APTX: variants seen among roughly 807,000 people sequenced by gnomAD.
The protein encoded by APTX is aprataxin.
A neutral mutation model predicts 42.3 loss-of-function variants in APTX; 33 were observed. The observed-to-expected ratio is 0.78, with a 90% CI of 0.59 to 1.04. The LOEUF is 1.04. APTX is among the 50% of genes least tolerant of loss of function. The pLI, the probability that APTX is intolerant of heterozygous loss-of-function variation, is 0.00. For missense variants in APTX, 421 were observed against 415.1 expected, an observed-to-expected ratio of 1.01 and a Z score of -0.12; for synonymous variants, 130 against 146.7, an observed-to-expected ratio of 0.89 and a Z score of 0.82.
rs79013761 is a variant in APTX, at chr9:33,022,207, G to A, written c.-5+2816C>T. The stretch of plus-strand genomic sequence containing the variant: ...AAGAAAACAATTGTAACACATGACA[G>A]ACTAATATCTACCCCTAAAAGGGCT... On this transcript the variant is annotated intron_variant, in intron 1 of 6. Coordinates refer to the APTX transcript ENST00000436040. Among the ~76,000 whole-genome samples the A allele has an allele frequency of 7.7e-3, 1,171 of 152,148 alleles. 12 individuals carry two copies. The highest frequency in any genetic ancestry group is 0.027 in the African/African-American group (1,120 of 41,496).
At chr9:33,001,763 T>C, upstream of APTX, 2 of 905,178 alleles carry the variant, frequency 2.2e-6, no homozygotes, top group Non-Finnish European at 1.7e-6. Flanking sequence ...CTCTGGGCCG[T>C]GGTCCAACTG....
intron 6 of APTX, among the ~76,000 whole-genome samples, chr9:32,977,544 A>C (rs189855998): frequency 1.5e-5 from 2 of 131,162 alleles, no homozygotes; most frequent in African/African-American, 2.5e-5. Flanking sequence ...AATGGGGGGG[A>C]AAAAACCTGG....
chr9:33,005,416 TTTTA>T (rs987593822), upstream of APTX, among the ~76,000 whole-genome samples: 9 of 152,090 alleles, frequency 5.9e-5, no homozygotes, highest in East Asian at 1.9e-4. Flanking sequence ...TGAGGTGTGG[TTTTA>T]TTTTTTTGTT....
At chr9:32,985,326 GTTTTTTTTTT>G (rs5897530) in intron 5 of APTX, among the ~76,000 whole-genome samples, 1 of 103,078 alleles carries the variant, frequency 9.7e-6, no homozygotes, top group African/African-American at 4.4e-5. Context: ...GATGATGCCT[GTTTTTTTTTT>G]TTTTTTTTTT....
intron 1 of APTX, among the ~76,000 whole-genome samples, chr9:33,009,223 A>C (rs1476714720): frequency 6.6e-6 from 1 of 152,200 alleles, no homozygotes; most frequent in Non-Finnish European, 1.5e-5. Context: ...TGATCTGTGT[A>C]AATCACAGAT....
At chr9:33,002,086 G>T (rs1257591955), upstream of APTX, among the ~76,000 whole-genome samples, 1 of 152,156 alleles carries the variant, frequency 6.6e-6, no homozygotes, top group African/African-American at 2.4e-5. Context: ...CCTGTTTTTT[G>T]TAGTGCTGTG....
chr9:32,985,829 C>T (rs1399297788), intron 5 of APTX, 142 bp downstream of exon 5: 9 of 816,776 alleles, frequency 1.1e-5, no homozygotes, highest in East Asian at 2.4e-5. Flanking sequence ...TGTGAAAAGC[C>T]TCTTGTTCTC....
At chr9:32,991,197 A>T (rs1035018423) in intron 1 of APTX, among the ~76,000 whole-genome samples, 2 of 151,972 alleles carry the variant, frequency 1.3e-5, no homozygotes, top group Non-Finnish European at 2.9e-5. Flanking sequence ...AAGTGCTGGG[A>T]TTACAGGCAT....
At position 32,973,283 on chromosome 9, in the gene APTX, C is replaced by G. The variant is rs568783017; in HGVS notation, c.*215G>C. The G allele has an allele frequency of 1.8e-4, 118 of 660,948 alleles. No individual in the cohort carries two copies. The highest frequency in any genetic ancestry group is 1.7e-3 in the South Asian group (116 of 66,494). The allele number at this position is 660,948 out of a possible 1,614,324, so 40.9% of individuals were successfully genotyped here. A position where few individuals can be genotyped will look rare whatever the true frequency, so the allele number is the denominator to read the frequency against. ...GTGGGTCAGGTATATCCCAGCCACC[C>G]TCACCAGAGAATACATCTATGACAA... On this transcript the variant is annotated 3_prime_UTR_variant, in exon 8 of 8. Transcript: ENST00000379817.
At chr9:33,024,528 G>A (rs1363251035) in intron 1 of APTX, among the ~76,000 whole-genome samples, 2 of 152,146 alleles carry the variant, frequency 1.3e-5, no homozygotes, top group African/African-American at 2.4e-5. Context: ...CGGCTACTCT[G>A]TAGCCAAACT....
upstream of APTX, among the ~76,000 whole-genome samples, chr9:33,005,967 G>A (rs1837104644): frequency 6.6e-6 from 1 of 151,756 alleles, no homozygotes; most frequent in African/African-American, 2.4e-5. Context: ...GCACTGTTTT[G>A]ATTACTATAG....
intron 1 of APTX, among the ~76,000 whole-genome samples, chr9:33,014,952 G>A (rs1392837995): frequency 1.3e-5 from 2 of 152,200 alleles, no homozygotes; most frequent in African/African-American, 4.8e-5. Context: ...CTGGATTGAT[G>A]TTTTATCTTC....
chr9:32,975,249 A>G (rs1242928644), intron 6 of APTX, among the ~76,000 whole-genome samples: 4 of 152,226 alleles, frequency 2.6e-5, no homozygotes, highest in African/African-American at 9.6e-5. Flanking sequence ...TTTGCATTCT[A>G]TTCTGAATCT....
At chr9:33,003,409 G>A (rs1390879291), upstream of APTX, among the ~76,000 whole-genome samples, 4 of 152,080 alleles carry the variant, frequency 2.6e-5, no homozygotes, top group Non-Finnish European at 5.9e-5. Context: ...GGCCAGGCAC[G>A]GTGGCTCACA....
chr9:33,010,908 A>G (rs994978520), intron 1 of APTX, among the ~76,000 whole-genome samples: 1 of 151,710 alleles, frequency 6.6e-6, no homozygotes, highest in African/African-American at 2.4e-5. Context: ...TTGGGAGGCC[A>G]AGGCAGGTGG....
chr9:33,017,505 AC>A (rs1255694965), intron 1 of APTX, among the ~76,000 whole-genome samples: 3 of 132,334 alleles, frequency 2.3e-5, no homozygotes, highest in Non-Finnish European at 5.5e-5. Context: ...TAATCCCATG[AC>A]GTAGTCACTT....
rs560158764 is a variant in APTX at position 32,990,534 on chromosome 9, T to C, written c.-4-639A>G. 1.6e-4 allele frequency among the ~76,000 whole-genome samples: 25 copies of C among 152,290 alleles called. No homozygotes were observed. In the Middle Eastern group the frequency reaches 0.017, roughly 104 times the overall value. On this transcript the variant is annotated intron_variant, in intron 1 of 7. Coordinates refer to ENST00000379817, the MANE Select transcript of APTX (RefSeq NM_001195248.2). ...TACATATTGAAAGTCAAAGGATGAATAAAACAGGGACATTGTCCCTGTCCT... is the reference window on the plus strand; with the variant it reads ...TACATATTGAAAGTCAAAGGATGAACAAAACAGGGACATTGTCCCTGTCCT...
At position 33,018,334 on chromosome 9, in the gene APTX, G is replaced by A. The variant is rs560510347; in HGVS notation, c.-5+6689C>T. ...ACCATCTCTACTACGATGGAAGGCC[G>A]AGGTGGGCGGATCACCTGAGGTCAG... is the stretch of plus-strand genomic sequence containing the variant. On this transcript the variant is annotated intron_variant, in intron 1 of 6. Transcript: ENST00000436040. Among the ~76,000 whole-genome samples the A allele has an allele frequency of 2.6e-4, 39 of 151,936 alleles. No individual in the cohort carries two copies. The South Asian group carries it at 7.9e-3, about 31-fold the overall frequency.
chr9:32,979,325 G>T lies in APTX; in HGVS notation c.771-4764C>A, dbSNP rs138281852. 3.4e-3 allele frequency among the ~76,000 whole-genome samples: 511 copies of T among 152,240 alleles called. 3 individuals carry two copies. The highest frequency in any genetic ancestry group is 0.012 in the African/African-American group (493 of 41,524). Reference sequence around the variant, plus strand: ...TCTGCTCCTGTGTTAGTTCACTTAGGATAACGGCCTACAGCTCCATCCATG... The same window carrying T: ...TCTGCTCCTGTGTTAGTTCACTTAGTATAACGGCCTACAGCTCCATCCATG... On this transcript the variant is annotated intron_variant, in intron 6 of 7. Transcript: ENST00000379817.
Sources: allele counts gnomAD v4.1 joint callset (sites outside exome capture counted in the v4.1 genomes callset), GRCh38; gene constraint gnomAD v4.1.1; transcripts MANE v1.5; gene names NCBI Gene and HGNC (gene_info 2026-07-23, HGNC 2026-07-21).